RNGTT: variants seen among roughly 807,000 people sequenced by gnomAD.
RNGTT encodes the protein RNA guanylyltransferase and 5'-phosphatase.
RNGTT carries 33 observed loss-of-function variants against 79.3 expected under a neutral mutation model. The ratio of observed to expected loss-of-function variants is 0.42; its 90% CI spans 0.32 to 0.56. The LOEUF (loss-of-function observed/expected upper bound fraction) is 0.56. Among genes scored for constraint, RNGTT ranks in the 20% least tolerant of loss-of-function variants. The pLI is 0.17. For synonymous variants in RNGTT, 222 were observed against 235.9 expected (o/e 0.94, Z 0.54); for missense variants, 497 against 739.1 (o/e 0.67, Z 3.80).
At chr6:88,820,126 G>A (rs1217741982) in intron 11 of RNGTT, among the ~76,000 whole-genome samples, 1 of 152,088 alleles carries the variant, frequency 6.6e-6, no homozygotes, top group Admixed American at 6.5e-5. Flanking sequence ...TCTGAGGACT[G>A]AACTTATCAC....
chr6:88,727,985 C>G (rs1161056617), intron 13 of RNGTT, among the ~76,000 whole-genome samples: 1 of 152,096 alleles, frequency 6.6e-6, no homozygotes, highest in African/African-American at 2.4e-5. Flanking sequence ...GGGAAGGACC[C>G]TACCTTGTGC....
chr6:88,697,333 C>T (rs575441089), intron 13 of RNGTT, among the ~76,000 whole-genome samples: 1 of 151,634 alleles, frequency 6.6e-6, no homozygotes, highest in Non-Finnish European at 1.5e-5. Context: ...GGGTGGATCA[C>T]GAGGTCAGGA....
intron 13 of RNGTT, among the ~76,000 whole-genome samples, chr6:88,748,604 T>C (rs1777742536): frequency 6.6e-6 from 1 of 152,160 alleles, no homozygotes; most frequent in East Asian, 1.9e-4. Flanking sequence ...TACTTATTTG[T>C]TATGTTTATT....
rs935389900 is a variant in RNGTT at position 88,903,101 on chromosome 6, G to A, written c.684+1614C>T. Among the ~76,000 whole-genome samples the A allele has an allele frequency of 5.9e-5, 9 of 152,124 alleles. 1 individual carries two copies. Among genetic ancestry groups the A allele is most frequent in the African/African-American group, 2.2e-4 (9 of 41,424 alleles). The stretch of plus-strand genomic sequence containing the variant: ...AGCAACCATAAAGAAGGCAAGAAAG[G>A]AACATACCACTAGTGGCACAAAAAA... On this transcript the variant is annotated intron_variant, in intron 6 of 15. Coordinates refer to ENST00000369485, the MANE Select transcript of RNGTT (RefSeq NM_003800.5).
chr6:88,847,070 T>C (rs981380949), intron 10 of RNGTT, among the ~76,000 whole-genome samples: 2 of 152,220 alleles, frequency 1.3e-5, no homozygotes, highest in African/African-American at 4.8e-5. Context: ...AAAAAATGCC[T>C]GTTTTTTAAA....
chr6:88,781,017 C>T (rs1186098993), intron 12 of RNGTT, among the ~76,000 whole-genome samples: 1 of 152,084 alleles, frequency 6.6e-6, no homozygotes, highest in Non-Finnish European at 1.5e-5. Flanking sequence ...GCTAGATATG[C>T]TACTAAACAT....
chr6:88,836,015 CACACACACATATATATATAAGATTTACAT>C (rs1562277561), intron 11 of RNGTT, among the ~76,000 whole-genome samples: 9 of 121,836 alleles, frequency 7.4e-5, no homozygotes, highest in African/African-American at 5.8e-5. Context: ...CACACACACA[CACACACACATATATATATAAGATTTACAT>C]ATATATATAT....
intron 14 of RNGTT, among the ~76,000 whole-genome samples, chr6:88,618,080 T>C (rs1160024741): frequency 6.6e-6 from 1 of 152,222 alleles, no homozygotes; most frequent in African/African-American, 2.4e-5. Context: ...TCAGAATTGC[T>C]ATAAATTATG....
At chr6:88,635,800 TTTTAGAGTAA>T (rs1418571765) in intron 14 of RNGTT, among the ~76,000 whole-genome samples, 2 of 151,948 alleles carry the variant, frequency 1.3e-5, no homozygotes, top group African/African-American at 4.8e-5. Flanking sequence ...AGGAAGGCTG[TTTTAGAGTAA>T]TTCCAATTTA....
intron 11 of RNGTT, among the ~76,000 whole-genome samples, chr6:88,809,486 C>CT (rs1554219811): frequency 8.6e-5 from 13 of 151,912 alleles, no homozygotes; most frequent in Non-Finnish European, 1.8e-4. Flanking sequence ...GGAAAAAATG[C>CT]TTTTTTTTCC....
intron 14 of RNGTT, among the ~76,000 whole-genome samples, chr6:88,654,481 G>A (rs765398308): frequency 6.6e-6 from 1 of 152,154 alleles, no homozygotes; most frequent in Non-Finnish European, 1.5e-5. Context: ...GGGAGACAGA[G>A]TAGATGTGCA....
At chr6:88,740,475 A>G (rs9344851) in intron 13 of RNGTT, among the ~76,000 whole-genome samples, 4,374 of 152,068 alleles carry the variant, frequency 0.029, 75 homozygotes, top group East Asian at 0.051. Context: ...GCTGTGATCA[A>G]ATCACTGCAC....
At chr6:88,903,416 T>C (rs1394538554) in intron 6 of RNGTT, among the ~76,000 whole-genome samples, 2 of 152,232 alleles carry the variant, frequency 1.3e-5, no homozygotes, top group Non-Finnish European at 2.9e-5. Flanking sequence ...TTTTATGCTA[T>C]GCTGCTTATT....
chr6:88,832,576 T>G (rs1321215352), intron 11 of RNGTT, among the ~76,000 whole-genome samples: 1 of 152,014 alleles, frequency 6.6e-6, no homozygotes, highest in Non-Finnish European at 1.5e-5. Flanking sequence ...AAGCCAAAAT[T>G]GACAAGTGGG....
At chr6:88,930,221 A>G (rs1784476272) in intron 2 of RNGTT, among the ~76,000 whole-genome samples, 1 of 147,388 alleles carries the variant, frequency 6.8e-6, no homozygotes, top group South Asian at 2.1e-4. Flanking sequence ...TATACATATA[A>G]AACATGTATC....
chr6:88,680,886 C>A (rs1481361775), intron 13 of RNGTT, among the ~76,000 whole-genome samples: 1 of 151,988 alleles, frequency 6.6e-6, no homozygotes, highest in African/African-American at 2.4e-5. Context: ...TAATTTGAAA[C>A]ATACTGTTGA....
chr6:88,959,445 A>T (rs955403453), intron 1 of RNGTT, among the ~76,000 whole-genome samples: 4 of 152,326 alleles, frequency 2.6e-5, no homozygotes, highest in Admixed American at 2.6e-4. Flanking sequence ...CTTCTCTCTC[A>T]GTAAGCCCTA....
At chr6:88,919,238 T>C (rs959726995) in intron 4 of RNGTT, among the ~76,000 whole-genome samples, 1 of 152,224 alleles carries the variant, frequency 6.6e-6, no homozygotes, top group African/African-American at 2.4e-5. Context: ...GTCCATCTAG[T>C]GGTAAGTAAG....
chr6:88,905,711 T>G (rs1783631008), intron 5 of RNGTT, among the ~76,000 whole-genome samples: 3 of 151,994 alleles, frequency 2.0e-5, no homozygotes. Flanking sequence ...TTAAATGGAG[T>G]AACACTCTCC....
Sources: allele counts gnomAD v4.1 joint callset (sites outside exome capture counted in the v4.1 genomes callset), GRCh38; gene constraint gnomAD v4.1.1; transcripts MANE v1.5; gene names NCBI Gene and HGNC (gene_info 2026-07-23, HGNC 2026-07-21).